Variants in NEDD4 observed in about 807,000 individuals in gnomAD.
The protein encoded by NEDD4 is NEDD4 E3 ubiquitin protein ligase.
A neutral mutation model predicts 144.9 loss-of-function variants in NEDD4; 99 were observed. That is an observed-to-expected ratio of 0.68 (90% CI 0.58 to 0.81). The LOEUF is 0.81. Ranked by LOEUF, NEDD4 falls within the 30% of genes least tolerant of loss-of-function variation. NEDD4 has a pLI of 0.00. For missense variants in NEDD4, 985 were observed against 1,065.9 expected (o/e 0.92, Z 1.06); for synonymous variants, 318 against 350.6 (o/e 0.91, Z 1.04).
At chr15:55,862,852 A>C in intron 9 of NEDD4, 61 bp downstream of exon 9, 2 of 1,452,924 alleles carry the variant, frequency 1.4e-6, no homozygotes. Flanking sequence ...CATGACTTCA[A>C]AATGAAAATT....
chr15:55,923,141 G>A lies in NEDD4; in HGVS notation c.291+1505C>T, dbSNP rs1008917036. 5.3e-5 allele frequency among the ~76,000 whole-genome samples: 8 copies of A among 151,990 alleles called. No homozygotes were observed. The South Asian group carries it at 1.2e-3, about 24-fold the overall frequency. ...AGAGGTTGCAGTGAGCTGAGACTGCGCCACTGCACTCCAGCCTAGGCAACA... is the reference window on the plus strand; with the variant it reads ...AGAGGTTGCAGTGAGCTGAGACTGCACCACTGCACTCCAGCCTAGGCAACA... On this transcript the variant is annotated intron_variant, in intron 5 of 28. Transcript: ENST00000435532.
intron 5 of NEDD4, among the ~76,000 whole-genome samples, chr15:55,884,702 C>T (rs1379329365): frequency 6.6e-6 from 1 of 151,520 alleles, no homozygotes; most frequent in African/African-American, 2.4e-5. Context: ...ATTTATCAAG[C>T]AGAAGAAAGA....
At chr15:55,877,530 CT>C (rs1450266128) in intron 5 of NEDD4, among the ~76,000 whole-genome samples, 1 of 152,086 alleles carries the variant, frequency 6.6e-6, no homozygotes, top group African/African-American at 2.4e-5. Context: ...ATATTTTCCC[CT>C]TTGTAATTAA....
At chr15:55,983,275 T>C (rs891739619) in intron 1 of NEDD4, among the ~76,000 whole-genome samples, 34 of 151,548 alleles carry the variant, frequency 2.2e-4, no homozygotes, top group Admixed American at 5.3e-4. Flanking sequence ...ATGTTGATGA[T>C]GACGACAATG....
rs1355309656 is a variant in NEDD4 at position 55,832,996 on chromosome 15, G to T, written c.2527+12C>A. 6.3e-7 allele frequency: 1 copy of T among 1,580,898 alleles called. No individual in the cohort carries two copies. The highest frequency in any genetic ancestry group is 2.2e-5 in the East Asian group (1 of 44,668). ...TATTCCATTTTTTTAATGATCTATG[G>T]AAAATCCTTACCGTATAGTTCAGCA... On this transcript the variant is annotated intron_variant, in intron 27 of 28. Coordinates refer to ENST00000435532, the MANE Select transcript of NEDD4 (RefSeq NM_006154.4).
intron 4 of NEDD4, among the ~76,000 whole-genome samples, chr15:55,930,584 G>A (rs1460992009): frequency 1.3e-5 from 2 of 152,164 alleles, no homozygotes; most frequent in Non-Finnish European, 2.9e-5. Flanking sequence ...AAGAGAAACA[G>A]TATTCATTAG....
At chr15:55,949,133 G>T (rs562541558) in intron 4 of NEDD4, among the ~76,000 whole-genome samples, 2 of 152,068 alleles carry the variant, frequency 1.3e-5, no homozygotes, top group South Asian at 2.1e-4. Flanking sequence ...ATCAAGAAGC[G>T]GGCGAAGGAT....
chr15:55,916,572 A>G (rs2036454667), intron 5 of NEDD4: 1 of 1,613,998 alleles, frequency 6.2e-7, no homozygotes, highest in Non-Finnish European at 8.5e-7. Context: ...TGAAATCTGT[A>G]GACAGCTGCT....
chr15:55,833,707 T>A (rs1397874818), intron 26 of NEDD4, among the ~76,000 whole-genome samples: 1 of 152,114 alleles, frequency 6.6e-6, no homozygotes. Flanking sequence ...CATATTTCTC[T>A]ATGAGAAATT....
chr15:55,957,493 T>C (rs1595875098), intron 2 of NEDD4, among the ~76,000 whole-genome samples: 1 of 152,198 alleles, frequency 6.6e-6, no homozygotes, highest in Non-Finnish European at 1.5e-5. Flanking sequence ...AGAGTGTCTA[T>C]TATGAATGGG....
At chr15:55,854,458 G>A (rs898857517) in intron 12 of NEDD4, among the ~76,000 whole-genome samples, 4 of 152,116 alleles carry the variant, frequency 2.6e-5, no homozygotes, top group African/African-American at 9.7e-5. Flanking sequence ...CACTAATAGA[G>A]GCATGCAATA....
chr15:55,936,186 T>C (rs2036886141), intron 4 of NEDD4, among the ~76,000 whole-genome samples: 1 of 152,148 alleles, frequency 6.6e-6, no homozygotes, highest in Non-Finnish European at 1.5e-5. Flanking sequence ...CAACCCTGTA[T>C]TTACTCTCCG....
chr15:55,952,747 C>T (rs1344064874), intron 2 of NEDD4: 1 of 152,236 alleles, frequency 6.6e-6, no homozygotes. Context: ...TCTGTTCTCA[C>T]TGCTCTCTTT....
At chr15:55,862,428 T>G (rs546848490) in intron 9 of NEDD4, among the ~76,000 whole-genome samples, 11 of 152,300 alleles carry the variant, frequency 7.2e-5, no homozygotes, top group Admixed American at 7.2e-4. Context: ...ATTCCGTCCT[T>G]GATCTGTGCG....
At chr15:55,956,705 T>A (rs1157459405) in intron 2 of NEDD4, among the ~76,000 whole-genome samples, 1 of 152,198 alleles carries the variant, frequency 6.6e-6, no homozygotes, top group Non-Finnish European at 1.5e-5. Flanking sequence ...TGTCTTATTA[T>A]AACTGTGTAG....
intron 8 of NEDD4, among the ~76,000 whole-genome samples, chr15:55,868,943 C>A (rs1164836591): frequency 6.6e-6 from 1 of 152,130 alleles, no homozygotes; most frequent in Admixed American, 6.6e-5. Flanking sequence ...TCTGGCTAGA[C>A]AGAGTGTGCA....
intron 1 of NEDD4, among the ~76,000 whole-genome samples, chr15:55,985,548 A>G (rs1244407870): frequency 2.0e-5 from 3 of 152,228 alleles, no homozygotes; most frequent in Non-Finnish European, 4.4e-5. Flanking sequence ...CACTGAACAC[A>G]TAAGTCAATG....
At chr15:55,852,650 C>CTCATCT in intron 12 of NEDD4, 107 bp from the exon 13 acceptor site, 1 of 748,660 alleles carries the variant, frequency 1.3e-6, no homozygotes, top group Non-Finnish European at 2.1e-6. Context: ...CCCAAGCAAC[C>CTCATCT]ACTCATCTGC....
chr15:55,993,519 C>T lies in NEDD4; in HGVS notation c.37G>A (p.Glu13Lys). 1 of 1,598,880 alleles carries T rather than the reference C, an allele frequency of 6.3e-7. No homozygotes were observed. The highest frequency in any genetic ancestry group is 1.4e-5 in the African/African-American group (1 of 73,342). ...CCCCGCGGTCCCCGCACCTCGTCCT[C>T]CAGGAGCCCGAACACCTCCACCGCG... Reference protein sequence around the residue: ...TCAVEVFGLLEDEENSRIVRV... With the variant: ...TCAVEVFGLLKDEENSRIVRV... The change falls in exon 1 of 29, where the codon GAG becomes AAG. Residue 13 changes from glutamate (E) to lysine (K), a missense_variant. By Grantham distance (56) the Glu-to-Lys change is moderately conservative. Transcript: ENST00000435532.
Sources: allele counts gnomAD v4.1 joint callset (sites outside exome capture counted in the v4.1 genomes callset), GRCh38; gene constraint gnomAD v4.1.1; transcripts MANE v1.5; gene names NCBI Gene and HGNC (gene_info 2026-07-23, HGNC 2026-07-21).